The following IL1RAPL1 variants were observed in gnomAD, a reference collection of about 807,000 sequenced individuals.
The protein encoded by IL1RAPL1 is interleukin-1 receptor accessory protein-like 1.
Under a neutral mutation model 48.4 loss-of-function variants are expected in IL1RAPL1, and 3 were observed. The ratio of observed to expected loss-of-function variants is 0.06; its 90% CI spans 0.03 to 0.16. The LOEUF is 0.16. Ranked by LOEUF, IL1RAPL1 falls within the 10% of genes least tolerant of loss-of-function variation. The probability of loss-of-function intolerance (pLI) is 1.00; values close to 1 mark genes in which losing one functional copy is unlikely to be tolerated. For missense variants in IL1RAPL1, 349 were observed against 530.6 expected (o/e 0.66, Z 3.36); for synonymous variants, 185 against 187.7 (o/e 0.99, Z 0.12).
chrX:29,846,894 G>A (rs958803976), intron 6 of IL1RAPL1, among the ~76,000 whole-genome samples: 10 of 109,741 alleles, frequency 9.1e-5, no homozygotes, highest in Non-Finnish European at 1.9e-4. Flanking sequence ...GGGCAGGGAA[G>A]AGAACAAAAG....
chrX:29,747,956 G>A (rs1320750913), intron 6 of IL1RAPL1, among the ~76,000 whole-genome samples: 1 of 111,515 alleles, frequency 9.0e-6, no homozygotes, highest in Non-Finnish European at 1.9e-5. Context: ...AGACTTCATG[G>A]ATATTTTAAT....
At chrX:28,649,759 G>A (rs749874936) in intron 1 of IL1RAPL1, among the ~76,000 whole-genome samples, 1 of 112,255 alleles carries the variant, frequency 8.9e-6, no homozygotes, top group Non-Finnish European at 1.9e-5. Context: ...ACTTCAGGGT[G>A]ATGGGAGAAG....
Position 28,966,836 on chromosome X carries a change from A to G in IL1RAPL1, c.82+177411A>G, listed in dbSNP as rs1183522726. Among the ~76,000 whole-genome samples, 9 of 111,462 alleles carry G rather than the reference A, an allele frequency of 8.1e-5. No individual in the cohort carries two copies. In the Admixed American group the frequency reaches 8.6e-4, roughly 11 times the overall value. ...TGACATTTTCTATTAAGCATGATTTATTTTTTCTTTACCTGTAATCATTTA... is the reference window on the plus strand; with the variant it reads ...TGACATTTTCTATTAAGCATGATTTGTTTTTTCTTTACCTGTAATCATTTA... On this transcript the variant is annotated intron_variant, in intron 2 of 10. Coordinates refer to ENST00000378993, the MANE Select transcript of IL1RAPL1 (RefSeq NM_014271.4).
At chrX:29,771,581 TAG>T (rs1274202102) in intron 6 of IL1RAPL1, among the ~76,000 whole-genome samples, 1 of 112,079 alleles carries the variant, frequency 8.9e-6, no homozygotes, top group Non-Finnish European at 1.9e-5. Context: ...GAATAAGTAG[TAG>T]AGAGTCAATC....
At chrX:28,631,442 T>A (rs144206407) in intron 1 of IL1RAPL1, among the ~76,000 whole-genome samples, 3 of 111,539 alleles carry the variant, frequency 2.7e-5, no homozygotes, top group Non-Finnish European at 5.7e-5. Context: ...AAAATAAATA[T>A]CTAATTGCAC....
intron 1 of IL1RAPL1, among the ~76,000 whole-genome samples, chrX:28,722,700 G>C (rs140073470): frequency 0.064 from 7,068 of 111,013 alleles, 379 homozygotes; most frequent in East Asian, 0.33. Flanking sequence ...CCAGTTTTTG[G>C]CCATTCAGTA....
intron 5 of IL1RAPL1, among the ~76,000 whole-genome samples, chrX:29,482,865 C>T (rs186452739): frequency 6.3e-5 from 7 of 111,871 alleles, no homozygotes; most frequent in Admixed American, 2.8e-4. Flanking sequence ...TTTATTCCAT[C>T]GATTCTGATA....
In IL1RAPL1 at chrX:29,750,038, G is replaced by A. The variant is rs188538289; in HGVS notation, c.778+81534G>A. Among the ~76,000 whole-genome samples the A allele has an allele frequency of 5.7e-3, 636 of 111,837 alleles. 1 individual carries two copies. Among genetic ancestry groups the A allele is most frequent in the South Asian group, 8.3e-3 (22 of 2,660 alleles). On this transcript the variant is annotated intron_variant, in intron 6 of 10. Coordinates refer to ENST00000378993, the MANE Select transcript of IL1RAPL1 (RefSeq NM_014271.4). ...CTGCATTTCTTCCTGAGCACATCCA[G>A]AATCTTCTCAGAGGAGGCAATCATT...
At chrX:29,903,397 T>G (rs991094703) in intron 6 of IL1RAPL1, among the ~76,000 whole-genome samples, 2 of 111,614 alleles carry the variant, frequency 1.8e-5, no homozygotes, top group African/African-American at 6.5e-5. Flanking sequence ...ATGGTGCAAA[T>G]GAAATTAAAA....
intron 2 of IL1RAPL1, among the ~76,000 whole-genome samples, chrX:28,822,490 A>G (rs1343255469): frequency 8.9e-6 from 1 of 111,924 alleles, no homozygotes; most frequent in Non-Finnish European, 1.9e-5. Context: ...GAACTGTCTT[A>G]TTCCTGACAC....
At chrX:29,188,386 G>T (rs774872665) in intron 2 of IL1RAPL1, among the ~76,000 whole-genome samples, 1 of 111,392 alleles carries the variant, frequency 9.0e-6, no homozygotes, top group African/African-American at 3.3e-5. Flanking sequence ...AGTTGATCTG[G>T]AGGGACAGAG....
intron 6 of IL1RAPL1, among the ~76,000 whole-genome samples, chrX:29,702,633 G>A (rs992930318): frequency 8.9e-6 from 1 of 111,758 alleles, no homozygotes; most frequent in Admixed American, 9.5e-5. Flanking sequence ...TCATTTGCGT[G>A]ATCTTAGACT....
At chrX:29,248,622 A>G (rs1455856055) in intron 2 of IL1RAPL1, among the ~76,000 whole-genome samples, 1 of 111,922 alleles carries the variant, frequency 8.9e-6, no homozygotes, top group African/African-American at 3.3e-5. Flanking sequence ...TAAAATAAAC[A>G]TAAATTAACA....
At chrX:29,787,327 C>G (rs1287233637) in intron 6 of IL1RAPL1, among the ~76,000 whole-genome samples, 2 of 111,832 alleles carry the variant, frequency 1.8e-5, no homozygotes, top group Non-Finnish European at 3.8e-5. Flanking sequence ...GCACAATGCC[C>G]ATATTCTGAA....
chrX:28,713,622 T>A (rs7063099), intron 1 of IL1RAPL1, among the ~76,000 whole-genome samples: 7,472 of 110,822 alleles, frequency 0.067, 497 homozygotes, highest in East Asian at 0.33. Context: ...TGCCTCAGAT[T>A]TTTCATTTTC....
intron 5 of IL1RAPL1, among the ~76,000 whole-genome samples, chrX:29,531,086 T>A (rs933016280): frequency 1.8e-5 from 2 of 111,957 alleles, no homozygotes; most frequent in Non-Finnish European, 3.8e-5. Flanking sequence ...AATCAGTCTG[T>A]TAGAGATGAT....
intron 5 of IL1RAPL1, among the ~76,000 whole-genome samples, chrX:29,545,047 G>C (rs1448294623): frequency 9.1e-6 from 1 of 110,239 alleles, no homozygotes; most frequent in African/African-American, 3.3e-5. Flanking sequence ...GTCAAGGAGA[G>C]AGGCCTTAGA....
At chrX:29,550,116 A>G (rs1921754566) in intron 5 of IL1RAPL1, among the ~76,000 whole-genome samples, 1 of 112,346 alleles carries the variant, frequency 8.9e-6, no homozygotes. Flanking sequence ...ATATGATTTT[A>G]CAACTTCTTT....
At chrX:29,313,081 C>T (rs1276189520) in intron 3 of IL1RAPL1, among the ~76,000 whole-genome samples, 8 of 111,711 alleles carry the variant, frequency 7.2e-5, no homozygotes, top group Non-Finnish European at 1.5e-4. Context: ...AAATGTATTA[C>T]GGCTAATTAT....
Sources: allele counts gnomAD v4.1 joint callset (sites outside exome capture counted in the v4.1 genomes callset), GRCh38; gene constraint gnomAD v4.1.1; transcripts MANE v1.5; gene names NCBI Gene and HGNC (gene_info 2026-07-23, HGNC 2026-07-21).